The following HSD17B2 variants were observed in gnomAD, a reference collection of about 807,000 sequenced individuals.
The protein encoded by HSD17B2 is 17-beta-hydroxysteroid dehydrogenase type 2.
A neutral mutation model predicts 26.9 loss-of-function variants in HSD17B2; 32 were observed. The ratio of observed to expected loss-of-function variants is 1.19; its 90% CI spans 0.90 to 1.60. The LOEUF is 1.60. HSD17B2 is among the 40% of genes most tolerant of loss of function. The pLI, the probability that HSD17B2 is intolerant of heterozygous loss-of-function variation, is 0.00. For synonymous variants in HSD17B2, 246 were observed against 186.7 expected (o/e 1.32, Z -2.59); for missense variants, 613 against 468.6 (o/e 1.31, Z -2.85).
At chr16:82,060,085 C>G (rs1026128526) in intron 1 of HSD17B2, among the ~76,000 whole-genome samples, 1 of 152,144 alleles carries the variant, frequency 6.6e-6, no homozygotes, top group Admixed American at 6.5e-5. Flanking sequence ...CCTAAGTATG[C>G]TAGAGTTTTG....
At chr16:82,082,063 T>C (rs1904396643) in intron 3 of HSD17B2, among the ~76,000 whole-genome samples, 1 of 152,156 alleles carries the variant, frequency 6.6e-6, no homozygotes, top group African/African-American at 2.4e-5. Context: ...TCTTTACCCC[T>C]TTTTCCCTGA....
chr16:82,080,921 T>C (rs1461162198), intron 3 of HSD17B2, among the ~76,000 whole-genome samples: 1 of 152,122 alleles, frequency 6.6e-6, no homozygotes, highest in African/African-American at 2.4e-5. Flanking sequence ...TCCCTTCAGA[T>C]TTTTGTGGTT....
intron 4 of HSD17B2, chr16:82,094,057 T>C (rs1904768803): frequency 6.6e-6 from 1 of 152,238 alleles, no homozygotes; most frequent in African/African-American, 2.4e-5. Context: ...CATCTTGATT[T>C]TGGTGGGTTT....
chr16:82,038,668 T>G (rs1380898715), intron 1 of HSD17B2, among the ~76,000 whole-genome samples: 3 of 152,216 alleles, frequency 2.0e-5, no homozygotes, highest in Non-Finnish European at 2.9e-5. Context: ...TGGGTTTGAA[T>G]CCTGCATCTA....
chr16:82,061,147 T>C (rs8191117), intron 1 of HSD17B2, among the ~76,000 whole-genome samples: 2,552 of 151,574 alleles, frequency 0.017, 82 homozygotes, highest in African/African-American at 0.059. Context: ...TAATCCCAGC[T>C]ACTTGGGAGG....
At chr16:82,040,787 C>G (rs1003546577) in intron 1 of HSD17B2, among the ~76,000 whole-genome samples, 18 of 152,248 alleles carry the variant, frequency 1.2e-4, no homozygotes, top group African/African-American at 4.3e-4. Flanking sequence ...GACTTCAGAA[C>G]TGAGTCTGAG....
intron 1 of HSD17B2, among the ~76,000 whole-genome samples, chr16:82,050,582 C>T (rs922586562): frequency 5.3e-5 from 8 of 152,144 alleles, no homozygotes; most frequent in African/African-American, 1.9e-4. Flanking sequence ...AGAATTCAAA[C>T]CCAAACTTTT....
At chr16:82,048,761 T>C (rs1237380239) in intron 1 of HSD17B2, among the ~76,000 whole-genome samples, 6 of 152,232 alleles carry the variant, frequency 3.9e-5, no homozygotes, top group African/African-American at 1.4e-4. Flanking sequence ...AATTTACTTA[T>C]ATAGGAAATC....
intron 3 of HSD17B2, 48 bp from the exon 4 acceptor site, chr16:82,090,853 CA>C: frequency 6.5e-7 from 1 of 1,526,850 alleles, no homozygotes; most frequent in Non-Finnish European, 8.9e-7. Context: ...ATTGGATGAA[CA>C]AATGAACATT....
chr16:82,093,184 A>G (rs552600871), intron 4 of HSD17B2: 2 of 152,332 alleles, frequency 1.3e-5, no homozygotes, highest in South Asian at 4.1e-4. Flanking sequence ...AAACATTACC[A>G]ACACCCAGAA....
At chr16:82,067,256 C>G (rs1276099627) in intron 1 of HSD17B2, among the ~76,000 whole-genome samples, 1 of 152,170 alleles carries the variant, frequency 6.6e-6, no homozygotes, top group East Asian at 1.9e-4. Flanking sequence ...CAAGGAAGAT[C>G]ACATGACACA....
At chr16:82,050,875 G>A (rs951344009) in intron 1 of HSD17B2, among the ~76,000 whole-genome samples, 3 of 152,122 alleles carry the variant, frequency 2.0e-5, no homozygotes, top group African/African-American at 4.8e-5. Flanking sequence ...TTTCTTTGTC[G>A]TTGGAACTTT....
intron 1 of HSD17B2, among the ~76,000 whole-genome samples, chr16:82,050,629 C>T (rs760891754): frequency 7.2e-5 from 11 of 152,156 alleles, no homozygotes; most frequent in Non-Finnish European, 1.3e-4. Context: ...TCCGAGCCCC[C>T]AGATCCCACA....
At chr16:82,065,945 G>A (rs1390707247) in intron 1 of HSD17B2, among the ~76,000 whole-genome samples, 1 of 152,168 alleles carries the variant, frequency 6.6e-6, no homozygotes, top group Non-Finnish European at 1.5e-5. Context: ...TGGTATTTAG[G>A]GGATTCCAGG....
chr16:82,076,859 T>C (rs192935680), intron 3 of HSD17B2, among the ~76,000 whole-genome samples: 40 of 152,308 alleles, frequency 2.6e-4, no homozygotes, highest in African/African-American at 8.7e-4. Flanking sequence ...ATTACAGGCA[T>C]TAGTATGCCA....
chr16:82,086,329 C>T (rs1408584326), intron 3 of HSD17B2, among the ~76,000 whole-genome samples: 3 of 152,180 alleles, frequency 2.0e-5, no homozygotes, highest in Non-Finnish European at 4.4e-5. Context: ...CACGCTACAA[C>T]ATGAATGAAC....
chr16:82,039,139 C>G (rs8059915), intron 1 of HSD17B2, among the ~76,000 whole-genome samples: 75,314 of 151,660 alleles, frequency 0.5, 20,811 homozygotes, highest in Admixed American at 0.62. Context: ...GGGGGAATAG[C>G]ATCTTATTTG....
chr16:82,043,548 G>A (rs1164722942), intron 1 of HSD17B2, among the ~76,000 whole-genome samples: 1 of 142,232 alleles, frequency 7.0e-6, no homozygotes, highest in African/African-American at 3.1e-5. Flanking sequence ...GCCGGGCGCC[G>A]TGGCAGGCGC....
intron 4 of HSD17B2, 50 bp downstream of exon 4, chr16:82,091,089 C>T (rs756720577): frequency 3.5e-5 from 55 of 1,585,316 alleles, no homozygotes; most frequent in African/African-American, 1.5e-4. Context: ...GAAGGAACCC[C>T]GAAGGTCCTC....
Sources: gnomAD v4.1 joint callset for allele counts (sites outside exome capture counted in the v4.1 genomes callset) on GRCh38, gnomAD v4.1.1 for gene constraint, MANE v1.5 for transcripts, NCBI Gene and HGNC (gene_info 2026-07-23, HGNC 2026-07-21) for gene names.